Variants in RBFOX3 observed in about 807,000 individuals in gnomAD.
RBFOX3 encodes RNA binding fox-1 homolog 3, also known as RNA binding protein fox-1 homolog 3.
RBFOX3 carries 17 observed loss-of-function variants against 48.7 expected under a neutral mutation model. That is an observed-to-expected ratio of 0.35 (90% CI 0.24 to 0.52). The LOEUF is 0.52. Among genes scored for constraint, RBFOX3 ranks in the 20% least tolerant of loss-of-function variants. The pLI, the probability that RBFOX3 is intolerant of heterozygous loss-of-function variation, is 0.94. For missense variants in RBFOX3, 382 were observed against 497.5 expected (o/e 0.77, Z 2.21); for synonymous variants, 212 against 209.5 (o/e 1.01, Z -0.10).
At chr17:79,327,154 G>C (rs972612789) in intron 2 of RBFOX3, among the ~76,000 whole-genome samples, 7 of 152,186 alleles carry the variant, frequency 4.6e-5, no homozygotes, top group African/African-American at 1.7e-4. Context: ...TTCCCCACAA[G>C]GCTCTCCCTC....
At chr17:79,182,921 C>T (rs1267504835) in intron 4 of RBFOX3, among the ~76,000 whole-genome samples, 3 of 150,822 alleles carry the variant, frequency 2.0e-5, no homozygotes, top group Non-Finnish European at 4.4e-5. Context: ...GCGCGAAGTT[C>T]CCCAAAGTGA....
At chr17:79,646,519 T>G in the RBFOX3 span, among the ~76,000 whole-genome samples, 7 of 151,836 alleles carry the variant, frequency 4.6e-5, no homozygotes, top group Non-Finnish European at 7.4e-5. Context: ...GGCAAGAGAG[T>G]GTGTGCAGGG....
intron 2 of RBFOX3, among the ~76,000 whole-genome samples, chr17:79,462,674 G>A (rs1432256273): frequency 6.6e-6 from 1 of 152,180 alleles, no homozygotes. Flanking sequence ...CTGAGGTTGA[G>A]AAGTCCTGAT....
intron 3 of RBFOX3, chr17:79,298,431 T>C (rs894017620): frequency 4.6e-5 from 7 of 152,284 alleles, no homozygotes; most frequent in African/African-American, 1.4e-4. Context: ...CTGGATTAAA[T>C]ATCAGAAGAC....
chr17:79,280,509 G>T (rs1563446), intron 3 of RBFOX3, among the ~76,000 whole-genome samples: 27,356 of 152,192 alleles, frequency 0.18, 3,400 homozygotes, highest in African/African-American at 0.36. Context: ...AAGCTCTGTG[G>T]AGCTCCAAGT....
At chr17:79,169,414 G>A (rs1020116366) in intron 4 of RBFOX3, among the ~76,000 whole-genome samples, 21 of 152,072 alleles carry the variant, frequency 1.4e-4, no homozygotes, top group African/African-American at 2.7e-4. Context: ...CACCCACTGC[G>A]GGCAGGACAG....
At chr17:79,555,312 T>G (rs1269983251) in intron 1 of RBFOX3, among the ~76,000 whole-genome samples, 1 of 32 alleles carries the variant, frequency 0.031, no homozygotes, top group African/African-American at 0.042. Context: ...TGATGGTAGT[T>G]GTGGTGGTGG....
intron 3 of RBFOX3, among the ~76,000 whole-genome samples, chr17:79,244,945 T>C (rs1009629015): frequency 6.7e-6 from 1 of 149,978 alleles, no homozygotes; most frequent in Non-Finnish European, 1.5e-5. Context: ...CTTCCTTTTT[T>C]CTTTTCCTTC....
intron 4 of RBFOX3, among the ~76,000 whole-genome samples, chr17:79,170,116 A>AAGG (rs762276330): frequency 2.5e-5 from 3 of 119,172 alleles, no homozygotes; most frequent in South Asian, 3.3e-4. Flanking sequence ...AAGGAGGAGG[A>AAGG]AGGAAGGAAG....
chr17:79,367,911 T>G (rs886804709), intron 2 of RBFOX3, among the ~76,000 whole-genome samples: 1 of 152,092 alleles, frequency 6.6e-6, no homozygotes, highest in African/African-American at 2.4e-5. Flanking sequence ...CCTCCGAATG[T>G]CTGGGACATC....
At chr17:79,278,908 G>A (rs567683611) in intron 3 of RBFOX3, among the ~76,000 whole-genome samples, 8 of 152,070 alleles carry the variant, frequency 5.3e-5, no homozygotes, top group African/African-American at 1.9e-4. Flanking sequence ...CCAGCAGCCG[G>A]TTCTGGTTGA....
intron 1 of RBFOX3, among the ~76,000 whole-genome samples, chr17:79,484,276 C>A (rs2079191340): frequency 6.6e-6 from 1 of 152,230 alleles, no homozygotes; most frequent in African/African-American, 2.4e-5. Flanking sequence ...AACCGAAGAG[C>A]AGAACCAGCA....
chr17:79,611,871 A>G (rs1446695862), upstream of RBFOX3, among the ~76,000 whole-genome samples: 1 of 152,180 alleles, frequency 6.6e-6, no homozygotes, highest in Non-Finnish European at 1.5e-5. Flanking sequence ...GAGAGGAAGG[A>G]CTGTGGGAGG....
chr17:79,275,076 C>A (rs528368408), intron 3 of RBFOX3, among the ~76,000 whole-genome samples: 1 of 149,670 alleles, frequency 6.7e-6, no homozygotes, highest in African/African-American at 2.5e-5. Context: ...CCTTCCTGAG[C>A]CAGCCTGCCT....
At position 79,199,625 on chromosome 17, in the gene RBFOX3, C is replaced by T. The variant is rs1038334364; in HGVS notation, c.-34+36141G>A. ...ATTAGATATGCTCTCAAAGAAGTCC[C>T]CAAAGCTTTAATTAAACTCCAATAA... On this transcript the variant is annotated intron_variant, in intron 4 of 14. Coordinates refer to ENST00000693108, the MANE Select transcript of RBFOX3 (RefSeq NM_001350451.2). The surrounding 1 kb of genome is among the most constrained non-coding windows in gnomAD (Gnocchi z 5.1). 6.6e-6 allele frequency among the ~76,000 whole-genome samples: 1 copy of T among 152,102 alleles called. No homozygotes were observed.
intron 1 of RBFOX3, among the ~76,000 whole-genome samples, chr17:79,525,754 G>T (rs916516713): frequency 6.6e-6 from 1 of 152,168 alleles, no homozygotes; most frequent in Non-Finnish European, 1.5e-5. Context: ...TTGTTTCCTT[G>T]TTTGAGTATA....
Position 79,195,729 on chromosome 17 carries a change from G to A in RBFOX3, c.-34+40037C>T, listed in dbSNP as rs2055454256. Among the ~76,000 whole-genome samples the A allele has an allele frequency of 6.6e-6, 1 of 152,200 alleles. No homozygotes were observed. Among genetic ancestry groups the A allele is most frequent in the Non-Finnish European group, 1.5e-5 (1 of 68,044 alleles). On this transcript the variant is annotated intron_variant, in intron 4 of 14. Coordinates refer to ENST00000693108, the MANE Select transcript of RBFOX3 (RefSeq NM_001350451.2). The surrounding 1 kb of genome is among the most constrained non-coding windows in gnomAD (Gnocchi z 5.3). The stretch of plus-strand genomic sequence containing the variant: ...CTCCCCTACGACCGGACAGCACCAG[G>A]AAACCAGCACTCTGTTTTGGGGTTT...
chr17:79,289,704 C>A (rs546652348), intron 3 of RBFOX3, among the ~76,000 whole-genome samples: 2 of 152,350 alleles, frequency 1.3e-5, no homozygotes, highest in South Asian at 4.1e-4. Context: ...TGCCTCCCAG[C>A]TCCTGGCCTC....
chr17:79,518,363 CTGTT>C (rs1324589590), intron 1 of RBFOX3, among the ~76,000 whole-genome samples: 2 of 152,250 alleles, frequency 1.3e-5, no homozygotes, highest in South Asian at 2.1e-4. Context: ...GCGAGTGACA[CTGTT>C]TGGGAGAAGC....
Sources: allele counts gnomAD v4.1 joint callset (sites outside exome capture counted in the v4.1 genomes callset), GRCh38; gene constraint gnomAD v4.1.1; non-coding constraint Gnocchi (gnomAD v3.1); transcripts MANE v1.5; gene names NCBI Gene and HGNC (gene_info 2026-07-23, HGNC 2026-07-21).